SLC25A13: variants seen among roughly 807,000 people sequenced by gnomAD.
The protein encoded by SLC25A13 is solute carrier family 25 member 13, also known as electrogenic aspartate/glutamate antiporter SLC25A13, mitochondrial.
A neutral mutation model predicts 85.5 loss-of-function variants in SLC25A13; 70 were observed. The ratio of observed to expected loss-of-function variants is 0.82; its 90% CI spans 0.68 to 1.00. The LOEUF (loss-of-function observed/expected upper bound fraction) is 1.00. SLC25A13 is among the 50% of genes least tolerant of loss of function. SLC25A13 has a pLI of 0.00. For synonymous variants in SLC25A13, 259 were observed against 288.7 expected, an observed-to-expected ratio of 0.90 and a Z score of 1.04; for missense variants, 765 against 819.8, an observed-to-expected ratio of 0.93 and a Z score of 0.82.
intron 3 of SLC25A13, among the ~76,000 whole-genome samples, chr7:96,247,791 G>T (rs997333965): frequency 3.3e-5 from 5 of 151,918 alleles, no homozygotes; most frequent in African/African-American, 1.2e-4. Flanking sequence ...ATTGAAAAAT[G>T]ATTATCACAA....
At chr7:96,251,793 G>A (rs769358472) in intron 3 of SLC25A13, among the ~76,000 whole-genome samples, 7 of 152,346 alleles carry the variant, frequency 4.6e-5, no homozygotes, top group Admixed American at 1.3e-4. Flanking sequence ...ACCTGCAGGG[G>A]TGTGTACATT....
At chr7:96,319,769 T>C (rs770855901) in intron 1 of SLC25A13, among the ~76,000 whole-genome samples, 39 of 152,220 alleles carry the variant, frequency 2.6e-4, no homozygotes, top group Middle Eastern at 6.8e-3. Flanking sequence ...TCTTATTGGA[T>C]TGCAAAATAA....
rs1229558130 is a variant in SLC25A13 at position 96,275,157 on chromosome 7, G to C, written c.212+2039C>G. ...ATGAGCATGGAATGTTCTTCCATTT[G>C]TTTGTATCCTCTTTTATTTCATTGA... On this transcript the variant is annotated intron_variant, in intron 3 of 17. Transcript: ENST00000265631. 6.6e-5 allele frequency among the ~76,000 whole-genome samples: 10 copies of C among 152,236 alleles called. No individual in the cohort carries two copies. The East Asian group carries it at 1.7e-3, about 26-fold the overall frequency.
intron 4 of SLC25A13, among the ~76,000 whole-genome samples, chr7:96,226,875 C>G (rs1349804760): frequency 6.6e-6 from 1 of 151,584 alleles, no homozygotes; most frequent in African/African-American, 2.4e-5. Context: ...TTTTTCTTTC[C>G]TCTTCTTACC....
intron 3 of SLC25A13, 110 bp from the exon 4 acceptor site, chr7:96,235,027 T>C (rs1303205123): frequency 3.9e-5 from 29 of 735,070 alleles, no homozygotes; most frequent in Non-Finnish European, 6.0e-5. Context: ...AAACATAAAA[T>C]TCAAACTGAA....
intron 3 of SLC25A13, among the ~76,000 whole-genome samples, chr7:96,245,323 C>A (rs1797147787): frequency 6.6e-6 from 1 of 152,100 alleles, no homozygotes; most frequent in African/African-American, 2.4e-5. Context: ...GAGAATCTGC[C>A]CCAGTGTCCT....
intron 5 of SLC25A13, among the ~76,000 whole-genome samples, chr7:96,195,855 T>C (rs1795039540): frequency 6.6e-6 from 1 of 152,204 alleles, no homozygotes; most frequent in Non-Finnish European, 1.5e-5. Context: ...ATAACTGATG[T>C]CCCTTCCGGT....
At chr7:96,127,028 C>T (rs1175831857) in intron 15 of SLC25A13, among the ~76,000 whole-genome samples, 1 of 152,186 alleles carries the variant, frequency 6.6e-6, no homozygotes, top group Non-Finnish European at 1.5e-5. Context: ...ACTGGAACAG[C>T]TTTTAAAGGT....
At chr7:96,314,418 G>C (rs1217168963) in intron 1 of SLC25A13, among the ~76,000 whole-genome samples, 1 of 152,084 alleles carries the variant, frequency 6.6e-6, no homozygotes, top group Non-Finnish European at 1.5e-5. Context: ...CATGAAAATA[G>C]AGTTTGCTCA....
chr7:96,247,537 A>G (rs991288423), intron 3 of SLC25A13, among the ~76,000 whole-genome samples: 6 of 152,148 alleles, frequency 3.9e-5, no homozygotes, highest in Non-Finnish European at 8.8e-5. Flanking sequence ...AATTCCATCA[A>G]TTGTATCTCA....
At chr7:96,169,885 T>C (rs1793927624) in intron 13 of SLC25A13, 160 bp downstream of exon 13, 2 of 723,812 alleles carry the variant, frequency 2.8e-6, no homozygotes, top group African/African-American at 3.5e-5. Context: ...ACCTCTGGAA[T>C]GGTTCGCCTG....
At chr7:96,268,579 T>C (rs934610522) in intron 3 of SLC25A13, among the ~76,000 whole-genome samples, 1 of 152,116 alleles carries the variant, frequency 6.6e-6, no homozygotes, top group African/African-American at 2.4e-5. Flanking sequence ...ATTGATTAAA[T>C]CCATCATTAA....
At chr7:96,214,572 C>A (rs1187776673) in intron 4 of SLC25A13, among the ~76,000 whole-genome samples, 1 of 151,896 alleles carries the variant, frequency 6.6e-6, no homozygotes, top group Non-Finnish European at 1.5e-5. Context: ...ACTAAAAATA[C>A]AAAAATTAGC....
intron 5 of SLC25A13, among the ~76,000 whole-genome samples, chr7:96,201,654 T>A (rs1264415480): frequency 6.6e-6 from 1 of 152,222 alleles, no homozygotes. Context: ...CACTCATCTG[T>A]AAAGAATTAC....
At chr7:96,275,676 A>T (rs1032565019) in intron 3 of SLC25A13, among the ~76,000 whole-genome samples, 4 of 152,240 alleles carry the variant, frequency 2.6e-5, no homozygotes, top group Admixed American at 2.6e-4. Flanking sequence ...CATAGATGGG[A>T]ATTGAACAAT....
rs557042398 is a variant in SLC25A13 at position 96,285,714 on chromosome 7, G to T, written c.70-8376C>A. Among the ~76,000 whole-genome samples, 8 of 152,184 alleles carry T rather than the reference G, an allele frequency of 5.3e-5. No homozygotes were observed. The East Asian group carries it at 1.5e-3, about 29-fold the overall frequency. ...TACCTCCTGCATGCCTATCCATCTGGTCTCTTATATAAAATCTGAGCTCCT... is the reference window on the plus strand; with the variant it reads ...TACCTCCTGCATGCCTATCCATCTGTTCTCTTATATAAAATCTGAGCTCCT... On this transcript the variant is annotated intron_variant, in intron 2 of 17. Coordinates refer to ENST00000265631, the MANE Select transcript of SLC25A13 (RefSeq NM_014251.3).
At chr7:96,124,736 A>G (rs1791656903) in intron 15 of SLC25A13, among the ~76,000 whole-genome samples, 1 of 152,220 alleles carries the variant, frequency 6.6e-6, no homozygotes, top group South Asian at 2.1e-4. Context: ...GAATTCATTT[A>G]CAGTGCTTGT....
chr7:96,213,444 C>T (rs985606370), intron 4 of SLC25A13, among the ~76,000 whole-genome samples: 1 of 152,120 alleles, frequency 6.6e-6, no homozygotes, highest in Non-Finnish European at 1.5e-5. Flanking sequence ...AAATCCAAAG[C>T]GATTTTCAAG....
intron 1 of SLC25A13, among the ~76,000 whole-genome samples, chr7:96,303,158 CGTCACCAACT>C (rs1562918474): frequency 6.6e-6 from 1 of 152,110 alleles, no homozygotes; most frequent in Non-Finnish European, 1.5e-5. Flanking sequence ...TCAGCTGCTA[CGTCACCAACT>C]GTACAGCACA....
Sources: allele counts gnomAD v4.1 joint callset (sites outside exome capture counted in the v4.1 genomes callset), GRCh38; gene constraint gnomAD v4.1.1; transcripts MANE v1.5; gene names NCBI Gene and HGNC (gene_info 2026-07-23, HGNC 2026-07-21).